Variants in PYGL observed in about 807,000 individuals in gnomAD.
The protein encoded by PYGL is glycogen phosphorylase, liver form.
In PYGL, 90 loss-of-function variants were observed where a neutral mutation model predicts 100.1. The ratio of observed to expected loss-of-function variants is 0.90; its 90% confidence interval spans 0.76 to 1.07. PYGL has a LOEUF of 1.07. Among genes scored for constraint, PYGL ranks in the 50% least tolerant of loss-of-function variants. The pLI is 0.00. For synonymous variants in PYGL, 373 were observed against 393.0 expected (o/e 0.95, Z 0.60); for missense variants, 1,016 against 1,057.6 (o/e 0.96, Z 0.55).
In PYGL at chr14:50,909,985, G is replaced by C; in HGVS notation, c.2087C>G (p.Ala696Gly). 2 of 1,614,106 alleles carry C rather than the reference G, an allele frequency of 1.2e-6. No homozygotes were observed. Among genetic ancestry groups the C allele is most frequent in the Non-Finnish European group, 1.7e-6 (2 of 1,180,022 alleles). ...AGCTTCTTCTGCCATTTCCACATTG[G>C]CCCCATCCATGGTCCCGATAGTTAG... The part of the protein sequence containing the change: ...GALTIGTMDG[A>G]NVEMAEEAGE... The change falls in exon 17 of 20, where the codon GCC becomes GGC. Residue 696 changes from alanine (A) to glycine (G), a missense_variant. Coordinates refer to ENST00000216392, the MANE Select transcript of PYGL (RefSeq NM_002863.5).
At chr14:50,921,106 A>T (rs1259790176) in intron 5 of PYGL, 39 bp from the exon 6 acceptor site, 1 of 1,491,556 alleles carries the variant, frequency 6.7e-7, no homozygotes, top group Admixed American at 1.7e-5. Flanking sequence ...ATTGTTTCCC[A>T]AGTGTGATGA....
intron 16 of PYGL, 141 bp from the exon 17 acceptor site, chr14:50,910,243 G>A (rs1401984118): frequency 5.7e-6 from 5 of 884,432 alleles, no homozygotes; most frequent in Non-Finnish European, 8.8e-6. Flanking sequence ...TGGTCTAGAA[G>A]GCAGATCACA....
intron 5 of PYGL, among the ~76,000 whole-genome samples, chr14:50,921,994 G>A (rs1184031282): frequency 1.3e-5 from 2 of 152,228 alleles, no homozygotes; most frequent in Admixed American, 6.5e-5. Context: ...GAGTCTAAGA[G>A]GTAAGCTTTG....
chr14:50,922,381 C>T (rs2050510135), intron 5 of PYGL, among the ~76,000 whole-genome samples: 1 of 152,126 alleles, frequency 6.6e-6, no homozygotes, highest in Non-Finnish European at 1.5e-5. Flanking sequence ...ATCACCGCGA[C>T]CTCAAAGTAA....
chr14:50,931,543 C>G, intron 4 of PYGL, 130 bp downstream of exon 4: 3 of 831,502 alleles, frequency 3.6e-6, no homozygotes, highest in Non-Finnish European at 5.9e-6. Context: ...AGATAGAACT[C>G]ACTGATACCA....
intron 7 of PYGL, among the ~76,000 whole-genome samples, chr14:50,918,701 A>G (rs1473331387): frequency 2.0e-5 from 3 of 152,226 alleles, no homozygotes; most frequent in Admixed American, 6.5e-5. Flanking sequence ...TTGGGTGTAC[A>G]CTGCTCAGGT....
At chr14:50,938,077 A>G (rs1191721730) in intron 1 of PYGL, among the ~76,000 whole-genome samples, 2 of 152,222 alleles carry the variant, frequency 1.3e-5, no homozygotes, top group Non-Finnish European at 2.9e-5. Context: ...TTGGCATTCT[A>G]AGTCACAGGA....
intron 11 of PYGL, 155 bp downstream of exon 11, chr14:50,915,181 T>TC (rs2050434581): frequency 1.0e-6 from 1 of 977,864 alleles, no homozygotes; most frequent in South Asian, 1.5e-5. Flanking sequence ...TTCTTTTCTT[T>TC]TTTTTTTTTA....
intron 1 of PYGL, among the ~76,000 whole-genome samples, chr14:50,941,392 A>G (rs1250685712): frequency 2.0e-5 from 3 of 152,204 alleles, no homozygotes; most frequent in Non-Finnish European, 4.4e-5. Context: ...CACTTCTGGA[A>G]AGCAAAATAA....
Position 50,916,702 on chromosome 14 carries a change from T to A in PYGL, c.1032A>T (p.Ala344=), listed in dbSNP as rs753272112. Residue 344 remains alanine, a synonymous_variant, in exon 9 of 20, where the codon GCA becomes GCT. Coordinates refer to ENST00000216392, the MANE Select transcript of PYGL (RefSeq NM_002863.5). ...TCCTCATCAGCTCAGGGATCGCGAG[T>A]GCAGGGTGAGTGTCATTCAGCTGGA... ...VAIQLNDTHP[A]LAIPELMRIF... is the part of the protein sequence containing the mutation. 1.2e-6 allele frequency: 2 copies of A among 1,614,166 alleles called. No individual in the cohort carries two copies. The highest frequency in any genetic ancestry group is 1.7e-6 in the Non-Finnish European group (2 of 1,180,014).
Position 50,921,025 on chromosome 14 carries a change from T to C in PYGL, c.703A>G (p.Met235Val), listed in dbSNP as rs1229918271. The change falls in exon 6 of 20, where the codon ATG (methionine) becomes GTG (valine). Residue 235 changes from methionine to valine, a missense_variant. Coordinates refer to ENST00000216392, the MANE Select transcript of PYGL (RefSeq NM_002863.5). ...CGCATGGTGTTGACAGTGTTATTCA[T>C]GTAGCCGGGCACGGGGGTGTCATAT... is the stretch of plus-strand genomic sequence containing the variant. Reference protein sequence around the residue: ...LPYDTPVPGYMNNTVNTMRLW... With the variant: ...LPYDTPVPGYVNNTVNTMRLW... 2.5e-6 allele frequency: 4 copies of C among 1,614,088 alleles called. No individual in the cohort carries two copies. In the Admixed American group the frequency reaches 5.0e-5, roughly 20 times the overall value.
intron 5 of PYGL, 108 bp from the exon 6 acceptor site, chr14:50,921,175 C>A: frequency 1.2e-6 from 1 of 868,688 alleles, no homozygotes; most frequent in South Asian, 1.4e-5. Context: ...GCTCCATTAC[C>A]AACTTAAATT....
intron 1 of PYGL, 43 bp downstream of exon 1, chr14:50,944,118 G>C (rs767988335): frequency 2.3e-4 from 354 of 1,567,474 alleles, no homozygotes; most frequent in Non-Finnish European, 2.8e-4. Context: ...CGGAGACTCC[G>C]ACTCCGGGCT....
intron 18 of PYGL, 34 bp from the exon 19 acceptor site, chr14:50,908,371 G>T (rs2050354606): frequency 4.0e-6 from 6 of 1,505,420 alleles, no homozygotes; most frequent in Non-Finnish European, 4.6e-6. Flanking sequence ...GAAAAAAACA[G>T]TCAAAATCTT....
rs894874411 is a variant in PYGL at position 50,911,610 on chromosome 14, C to G, written c.1969+120G>C. 2.2e-6 allele frequency: 3 copies of G among 1,340,960 alleles called. No individual in the cohort carries two copies. In the African/African-American group the frequency reaches 4.3e-5, roughly 19 times the overall value. The allele number at this position is 1,340,960 out of a possible 1,614,324, so 83.1% of individuals were successfully genotyped here. On this transcript the variant is annotated intron_variant, in intron 16 of 19. Coordinates refer to ENST00000216392, the MANE Select transcript of PYGL (RefSeq NM_002863.5). ...TCTTACCGTAGGCCCTTATTCTGCA[C>G]AAGAGTGACACCTTCTATCCTAAGT...
At position 50,912,548 on chromosome 14, in the gene PYGL, G is replaced by A; in HGVS notation, c.1621-245C>T. On this transcript the variant is annotated intron_variant, in intron 13 of 19. Coordinates refer to ENST00000216392, the MANE Select transcript of PYGL (RefSeq NM_002863.5). ...AGTAGAGACGGGGTTTCATCATGTT[G>A]GCCAGAGTGGTCTTGAATGCCTGAC... 5.6e-6 allele frequency: 3 copies of A among 531,362 alleles called. No homozygotes were observed. In the South Asian group the frequency reaches 6.1e-5, roughly 11 times the overall value. The allele number at this position is 531,362 out of a possible 1,614,324, so 32.9% of individuals were successfully genotyped here. A position where few individuals can be genotyped will look rare whatever the true frequency, so the allele number is the denominator to read the frequency against.
rs773895321 is a variant in PYGL at position 50,939,782 on chromosome 14, G to T, written c.244-1945C>A. Among the ~76,000 whole-genome samples, 5 of 152,044 alleles carry T rather than the reference G, an allele frequency of 3.3e-5. No homozygotes were observed. In the East Asian group the frequency reaches 5.8e-4, roughly 18 times the overall value. ...TAAAAAAAGAAAAAATAATAATTTG[G>T]CCAATCAAAAAAAATTGTGAGTAGA... On this transcript the variant is annotated intron_variant, in intron 1 of 19. Transcript: ENST00000216392.
At chr14:50,940,568 A>G (rs998251361) in intron 1 of PYGL, among the ~76,000 whole-genome samples, 2 of 152,242 alleles carry the variant, frequency 1.3e-5, no homozygotes, top group African/African-American at 2.4e-5. Flanking sequence ...ATAACTTCTT[A>G]GAGGTAATCT....
At chr14:50,943,752 G>A (rs2050721540) in intron 1 of PYGL, among the ~76,000 whole-genome samples, 1 of 152,216 alleles carries the variant, frequency 6.6e-6, no homozygotes, top group African/African-American at 2.4e-5. Context: ...CTTTTGTTTA[G>A]GGCTGAGTGT....
Sources: allele counts gnomAD v4.1 joint callset (sites outside exome capture counted in the v4.1 genomes callset), GRCh38; gene constraint gnomAD v4.1.1; transcripts MANE v1.5; gene names NCBI Gene and HGNC (gene_info 2026-07-23, HGNC 2026-07-21).